The following CNGA1 variants were observed in gnomAD, a reference collection of about 807,000 sequenced individuals.
The protein encoded by CNGA1 is cyclic nucleotide-gated channel alpha-1.
CNGA1 carries 53 observed loss-of-function variants against 69.7 expected under a neutral mutation model. The ratio of observed to expected loss-of-function variants is 0.76; its 90% CI spans 0.61 to 0.96. The LOEUF is 0.96. CNGA1 is among the 40% of genes least tolerant of loss of function. The pLI is 0.00. For synonymous variants in CNGA1, 249 were observed against 283.5 expected (o/e 0.88, Z 1.22); for missense variants, 739 against 811.2 (o/e 0.91, Z 1.08).
At chr4:47,945,105 A>G (rs899983457) in intron 6 of CNGA1, among the ~76,000 whole-genome samples, 1 of 152,152 alleles carries the variant, frequency 6.6e-6, no homozygotes, top group Non-Finnish European at 1.5e-5. Context: ...GCTTATGGCT[A>G]TAATCTCAGC....
At chr4:47,962,980 C>T (rs1027306284) in intron 3 of CNGA1, among the ~76,000 whole-genome samples, 11 of 151,086 alleles carry the variant, frequency 7.3e-5, no homozygotes, top group African/African-American at 2.7e-4. Flanking sequence ...TTTTTTGACA[C>T]AGGGTCTTAC....
In CNGA1 at chr4:47,946,346, C is replaced by A. The variant is rs1330289827; in HGVS notation, c.288-2934G>T. Among the ~76,000 whole-genome samples the A allele has an allele frequency of 3.3e-5, 5 of 152,184 alleles. No homozygotes were observed. In the South Asian group the frequency reaches 1.0e-3, roughly 32 times the overall value. On this transcript the variant is annotated intron_variant, in intron 6 of 10. Coordinates refer to ENST00000514170, the MANE Select transcript of CNGA1 (RefSeq NM_001379270.1). ...GCATTCACTTGATATACACTGCATA[C>A]CTAAGGTTCTGGGTCAGTCATTGTG...
chr4:48,005,496 G>T (rs1288473206), intron 2 of CNGA1, among the ~76,000 whole-genome samples: 1 of 152,110 alleles, frequency 6.6e-6, no homozygotes, highest in African/African-American at 2.4e-5. Flanking sequence ...CTTTTAAATT[G>T]GCTTTGATGG....
Position 48,016,669 on chromosome 4 carries a change from CT to C in CNGA1, c.-410del. On this transcript the variant is annotated 5_prime_UTR_variant, in exon 1 of 11. Coordinates refer to ENST00000514170, the MANE Select transcript of CNGA1 (RefSeq NM_001379270.1). The stretch of plus-strand genomic sequence containing the variant: ...TCGCAACAAGCCCCGGGCAGCAGGG[CT>C]CGGCTGGCGCTGAGGCCCCGCCTGG... The C allele has an allele frequency of 3.4e-6, 2 of 593,672 alleles. No individual in the cohort carries two copies. Among genetic ancestry groups the C allele is most frequent in the South Asian group, 2.2e-5 (1 of 45,816 alleles). The allele number at this position is 593,672 out of a possible 1,614,324, so 36.8% of individuals were successfully genotyped here.
chr4:47,992,152 TC>T (rs1422977383), intron 2 of CNGA1, among the ~76,000 whole-genome samples: 4 of 152,154 alleles, frequency 2.6e-5, no homozygotes, highest in Non-Finnish European at 5.9e-5. Flanking sequence ...CTATAAGGGC[TC>T]TTTTTTGGTT....
chr4:47,955,474 C>T (rs1161853203), intron 3 of CNGA1, among the ~76,000 whole-genome samples: 4 of 152,088 alleles, frequency 2.6e-5, no homozygotes, highest in African/African-American at 7.2e-5. Context: ...TGAGCCACCG[C>T]GCCTGGCCCA....
chr4:48,009,275 G>A (rs1167714055), intron 2 of CNGA1, among the ~76,000 whole-genome samples: 1 of 151,716 alleles, frequency 6.6e-6, no homozygotes, highest in East Asian at 1.9e-4. Context: ...GACCAGCCTG[G>A]CTAACATGGT....
chr4:48,001,919 A>C (rs544429495), intron 2 of CNGA1, among the ~76,000 whole-genome samples: 4 of 152,356 alleles, frequency 2.6e-5, no homozygotes, highest in African/African-American at 7.2e-5. Flanking sequence ...GAAATCAAGG[A>C]ACACATTCCT....
At chr4:47,966,958 G>T (rs1434414891) in intron 3 of CNGA1, among the ~76,000 whole-genome samples, 1 of 152,078 alleles carries the variant, frequency 6.6e-6, no homozygotes, top group Non-Finnish European at 1.5e-5. Context: ...AGCAAACCAG[G>T]AATAGAAGGG....
At chr4:47,962,321 G>T (rs891691012) in intron 3 of CNGA1, among the ~76,000 whole-genome samples, 14 of 145,710 alleles carry the variant, frequency 9.6e-5, no homozygotes, top group Admixed American at 4.2e-4. Context: ...CTCCAGCCTG[G>T]CAACAGAGCG....
Position 47,984,892 on chromosome 4 carries a change from T to C in CNGA1, c.-122-3392A>G, listed in dbSNP as rs567754244. ...TTGTTGAATGTGGAAGACCTTTTTG[T>C]TTTTACATTCAGTGTTCACTTTACT... On this transcript the variant is annotated intron_variant, in intron 2 of 10. Transcript: ENST00000514170. Among the ~76,000 whole-genome samples, 186 of 152,224 alleles carry C rather than the reference T, an allele frequency of 1.2e-3. 1 individual carries two copies. Among genetic ancestry groups the C allele is most frequent in the South Asian group, 2.5e-3 (12 of 4,828 alleles).
intron 2 of CNGA1, among the ~76,000 whole-genome samples, chr4:47,986,495 A>T (rs1052871900): frequency 6.6e-6 from 1 of 152,076 alleles, no homozygotes; most frequent in Non-Finnish European, 1.5e-5. Flanking sequence ...AAGTAATTTC[A>T]ATTTATTTTC....
intron 10 of CNGA1, among the ~76,000 whole-genome samples, chr4:47,940,450 CT>C (rs1316799974): frequency 9.9e-5 from 15 of 152,192 alleles, no homozygotes; most frequent in Non-Finnish European, 2.2e-4. Context: ...TCCCTGTTAG[CT>C]TCCCCCTGTA....
chr4:47,953,010 C>T (rs1739838857), intron 3 of CNGA1, among the ~76,000 whole-genome samples: 1 of 152,148 alleles, frequency 6.6e-6, no homozygotes, highest in South Asian at 2.1e-4. Flanking sequence ...TATTCACTAT[C>T]ATGAGACTAG....
chr4:48,015,006 A>G (rs1048841404), intron 1 of CNGA1, among the ~76,000 whole-genome samples: 2 of 151,846 alleles, frequency 1.3e-5, no homozygotes, highest in Admixed American at 1.3e-4. Flanking sequence ...CCCCATCTCT[A>G]CTAAAAAAAA....
intron 3 of CNGA1, among the ~76,000 whole-genome samples, chr4:47,965,548 T>A (rs998076921): frequency 6.6e-6 from 1 of 151,818 alleles, no homozygotes; most frequent in Non-Finnish European, 1.5e-5. Flanking sequence ...TGCCTCAGCC[T>A]CCCGAGTAGC....
At chr4:47,962,087 T>A (rs1377958225) in intron 3 of CNGA1, among the ~76,000 whole-genome samples, 1 of 152,146 alleles carries the variant, frequency 6.6e-6, no homozygotes, top group Non-Finnish European at 1.5e-5. Flanking sequence ...GGCTCGTGCC[T>A]GTAATCCCAG....
chr4:47,949,868 T>G lies in CNGA1; in HGVS notation c.252A>C (p.Ala84=). 2 of 1,614,076 alleles carry G rather than the reference T, an allele frequency of 1.2e-6. No individual in the cohort carries two copies. Residue 84 remains alanine (A), a synonymous_variant, in exon 6 of 11, where the codon GCA becomes GCC. Transcript: ENST00000514170. ...QREQYLPGAI[A]LFNVNNSSNK... ...TGCTGCTGTTGTTCACATTAAAAAG[T>G]GCAATGGCACCAGGCAGGTACTGCT...
At chr4:47,997,604 A>G (rs762522222) in intron 2 of CNGA1, among the ~76,000 whole-genome samples, 17 of 152,202 alleles carry the variant, frequency 1.1e-4, no homozygotes, top group Non-Finnish European at 2.4e-4. Context: ...TATATAATTT[A>G]CTTTTCTGCC....
Sources: allele counts gnomAD v4.1 joint callset (sites outside exome capture counted in the v4.1 genomes callset), GRCh38; gene constraint gnomAD v4.1.1; transcripts MANE v1.5; gene names NCBI Gene and HGNC (gene_info 2026-07-23, HGNC 2026-07-21).